ACTR3C: variants seen among roughly 807,000 people sequenced by gnomAD.
The protein encoded by ACTR3C is actin related protein 3C.
Under a neutral mutation model 26.3 loss-of-function variants are expected in ACTR3C, and 18 were observed. The observed-to-expected ratio is 0.68, with a 90% CI of 0.47 to 1.01. ACTR3C has a LOEUF of 1.01. Among genes scored for constraint, ACTR3C ranks in the 50% least tolerant of loss-of-function variants. The pLI, the probability that ACTR3C is intolerant of heterozygous loss-of-function variation, is 0.00. For missense variants in ACTR3C, 184 were observed against 250.7 expected, an observed-to-expected ratio of 0.73 and a Z score of 1.80; for synonymous variants, 55 against 94.5, an observed-to-expected ratio of 0.58 and a Z score of 2.42.
the ACTR3C span, among the ~76,000 whole-genome samples, chr7:149,895,133 G>A: frequency 1.4e-5 from 2 of 146,476 alleles, no homozygotes; most frequent in Admixed American, 1.4e-4. Context: ...AGTAAAATAA[G>A]CCAGGCACAG....
chr7:150,198,953 GC>G, the ACTR3C span, among the ~76,000 whole-genome samples: 2 of 135,912 alleles, frequency 1.5e-5, no homozygotes, highest in Non-Finnish European at 3.1e-5. Context: ...CCCCTGCCCG[GC>G]CAGCCGCCCC....
the ACTR3C span, among the ~76,000 whole-genome samples, chr7:150,093,193 C>A: frequency 6.6e-6 from 1 of 150,938 alleles, no homozygotes; most frequent in African/African-American, 2.5e-5. Context: ...TTTTGCCTGG[C>A]AGCTCATCTG....
At chr7:150,084,184 T>C in the ACTR3C span, among the ~76,000 whole-genome samples, 2 of 152,142 alleles carry the variant, frequency 1.3e-5, no homozygotes, top group African/African-American at 4.8e-5. Context: ...TCAAGTCTTG[T>C]AATTCTTTAT....
At chr7:150,177,112 C>T in the ACTR3C span, among the ~76,000 whole-genome samples, 30 of 138,148 alleles carry the variant, frequency 2.2e-4, 2 homozygotes, top group South Asian at 1.8e-3. Context: ...TAAGAGTAAA[C>T]GTATAGTCAT....
At chr7:150,299,464 CAAAAAA>C (rs759969034) in intron 1 of ACTR3C, among the ~76,000 whole-genome samples, 1 of 14,114 alleles carries the variant, frequency 7.1e-5, no homozygotes, top group African/African-American at 2.2e-4. Context: ...GACCCCCTCT[CAAAAAA>C]AAAAAAAAAA....
chr7:150,104,256 A>C, the ACTR3C span, among the ~76,000 whole-genome samples: 2 of 151,634 alleles, frequency 1.3e-5, no homozygotes, highest in African/African-American at 4.9e-5. Flanking sequence ...TTCCTGAGGA[A>C]GAAACTATGA....
At chr7:149,955,980 A>G in the ACTR3C span, among the ~76,000 whole-genome samples, 2 of 152,226 alleles carry the variant, frequency 1.3e-5, no homozygotes, top group South Asian at 4.1e-4. Context: ...GGGTCAATCC[A>G]TAATTTGATA....
At chr7:150,311,665 C>T (rs1398154671) in intron 1 of ACTR3C, among the ~76,000 whole-genome samples, 3 of 152,302 alleles carry the variant, frequency 2.0e-5, no homozygotes, top group African/African-American at 7.2e-5. Context: ...CCTCATATTT[C>T]TATTTTTCCA....
chr7:150,318,669 G>T (rs1181797586), intron 1 of ACTR3C, among the ~76,000 whole-genome samples: 1 of 152,200 alleles, frequency 6.6e-6, no homozygotes, highest in Non-Finnish European at 1.5e-5. Flanking sequence ...GGCTGAGGCA[G>T]AAGAATCGCT....
At chr7:150,240,945 T>C (rs531347526), downstream of ACTR3C, among the ~76,000 whole-genome samples, 52 of 152,258 alleles carry the variant, frequency 3.4e-4, no homozygotes, top group African/African-American at 1.2e-3. Flanking sequence ...AAGTACCACA[T>C]ACAAAAGCAT....
chr7:150,274,042 T>C lies in ACTR3C; in HGVS notation c.564+10711A>G, dbSNP rs1834657834. ...TCAAAATGGTCGCCCTCTTGAGATGTGTTTCAGGTAGGGAGACAGAACTAT... is the reference window on the plus strand; with the variant it reads ...TCAAAATGGTCGCCCTCTTGAGATGCGTTTCAGGTAGGGAGACAGAACTAT... On this transcript the variant is annotated intron_variant, in intron 6 of 7. Transcript: ENST00000683684. This position sits in a 1 kb window ranked among gnomAD's most constrained non-coding sequence, Gnocchi z 4.1. Among the ~76,000 whole-genome samples, 1 of 151,404 alleles carries C rather than the reference T, an allele frequency of 6.6e-6. No homozygotes were observed. The highest frequency in any genetic ancestry group is 2.5e-5 in the African/African-American group (1 of 40,690).
At chr7:150,058,015 A>G in the ACTR3C span, among the ~76,000 whole-genome samples, 3 of 152,252 alleles carry the variant, frequency 2.0e-5, no homozygotes, top group Admixed American at 6.5e-5. Context: ...CAAGTTGACT[A>G]GCCCATACCT....
At chr7:150,180,032 G>C in the ACTR3C span, among the ~76,000 whole-genome samples, 1 of 151,042 alleles carries the variant, frequency 6.6e-6, no homozygotes, top group African/African-American at 2.5e-5. Context: ...GTGGCCGGGC[G>C]CAGTGGCTCA....
chr7:150,068,973 C>G, the ACTR3C span, among the ~76,000 whole-genome samples: 3 of 152,124 alleles, frequency 2.0e-5, no homozygotes, highest in African/African-American at 4.8e-5. Context: ...TCCTTTAGGT[C>G]GTGCCCCTGA....
the ACTR3C span, among the ~76,000 whole-genome samples, chr7:150,178,619 A>C: frequency 6.6e-6 from 1 of 150,500 alleles, no homozygotes. Context: ...AGACCCATAC[A>C]CATGTAGTTA....
At chr7:150,180,077 G>A in the ACTR3C span, among the ~76,000 whole-genome samples, 22 of 151,198 alleles carry the variant, frequency 1.5e-4, no homozygotes, top group East Asian at 4.3e-3. Context: ...AGGCCGAGGG[G>A]GGTGGATCAC....
the ACTR3C span, among the ~76,000 whole-genome samples, chr7:150,199,809 T>C: frequency 6.7e-6 from 1 of 149,900 alleles, no homozygotes; most frequent in African/African-American, 2.5e-5. Flanking sequence ...TTAGCTTGAT[T>C]GCTATTATTT....
chr7:150,098,512 A>G, the ACTR3C span, among the ~76,000 whole-genome samples: 1 of 151,772 alleles, frequency 6.6e-6, no homozygotes. Flanking sequence ...TGGTTCACTC[A>G]AGCTACATGT....
the ACTR3C span, among the ~76,000 whole-genome samples, chr7:150,135,714 A>T: frequency 2.0e-5 from 3 of 152,146 alleles, no homozygotes; most frequent in Non-Finnish European, 2.9e-5. Flanking sequence ...GGAAACTAAT[A>T]GAGCAGAAAT....
Sources: gnomAD v4.1 joint callset for allele counts (sites outside exome capture counted in the v4.1 genomes callset) on GRCh38, gnomAD v4.1.1 for gene constraint, Gnocchi (gnomAD v3.1) non-coding constraint, MANE v1.5 for transcripts, NCBI Gene and HGNC (gene_info 2026-07-23, HGNC 2026-07-21) for gene names.